The following MCM8 variants were observed in gnomAD, a reference collection of about 807,000 sequenced individuals.
The protein encoded by MCM8 is minichromosome maintenance 8 homologous recombination repair factor.
Under a neutral mutation model 98.9 loss-of-function variants are expected in MCM8, and 85 were observed. That is an observed-to-expected ratio of 0.86 (90% CI 0.72 to 1.03). MCM8 has a LOEUF of 1.03. Among genes scored for constraint, MCM8 ranks in the 50% least tolerant of loss-of-function variants. MCM8 has a pLI of 0.00. For synonymous variants in MCM8, 352 were observed against 338.6 expected (o/e 1.04, Z -0.44); for missense variants, 951 against 997.8 (o/e 0.95, Z 0.63).
chr20:5,972,023 A>G lies in MCM8; in HGVS notation c.1240A>G (p.Ile414Val), dbSNP rs931067163. ...GTTTTTCAGCTCGCTTTGCCCTGTC[A>G]TTTTTGGTCATGAAGTAAGTATTTT... ...KLIVNSLCPV[I>V]FGHELVKAGL... Residue 414 changes from isoleucine (I) to valine (V), a missense_variant, in exon 11 of 19, where the codon ATT (isoleucine) becomes GTT (valine). By Grantham distance (29) the Ile-to-Val change is conservative. Transcript: ENST00000610722. 3 of 1,611,680 alleles carry G rather than the reference A, an allele frequency of 1.9e-6. No individual in the cohort carries two copies. The highest frequency in any genetic ancestry group is 2.5e-6 in the Non-Finnish European group (3 of 1,178,814).
chr20:5,982,768 C>T (rs537073506), intron 13 of MCM8, among the ~76,000 whole-genome samples: 24 of 152,270 alleles, frequency 1.6e-4, no homozygotes, highest in African/African-American at 5.8e-4. Context: ...AAAGGAAGAA[C>T]TATTACACAA....
intron 12 of MCM8, among the ~76,000 whole-genome samples, chr20:5,975,647 C>T (rs2089494950): frequency 6.6e-6 from 1 of 151,972 alleles, no homozygotes; most frequent in African/African-American, 2.4e-5. Flanking sequence ...CAGGCGCCCA[C>T]CACCACGCCC....
chr20:5,967,963 T>TA lies in MCM8; in HGVS notation c.1164dup (p.Asp389ArgfsTer11). 1 of 1,614,108 alleles carries TA rather than the reference T, an allele frequency of 6.2e-7. No individual in the cohort carries two copies. The highest frequency in any genetic ancestry group is 8.5e-7 in the Non-Finnish European group (1 of 1,180,006). On this transcript the variant is annotated frameshift_variant, in exon 10 of 19. Coordinates refer to ENST00000610722, the MANE Select transcript of MCM8 (RefSeq NM_032485.6). LOFTEE classifies it high-confidence loss of function. ...ATGGAATGTTGATGGAGTTCTCACT[T>TA]AAAGACCTTTATGCCATCCAAGAGA...
rs758494858 is a variant in MCM8, at chr20:5,955,162, G to C, written c.397G>C (p.Glu133Gln). The change falls in exon 5 of 19, where the codon GAA (glutamate) becomes CAA (glutamine). Residue 133 changes from glutamate (E) to glutamine (Q), a missense_variant. Transcript: ENST00000610722. ...TTTTAAAGAACTGACAGAAGGTGGTGAAGTAACTAACTTGATACCAGATAT... is the reference window on the plus strand; with the variant it reads ...TTTTAAAGAACTGACAGAAGGTGGTCAAGTAACTAACTTGATACCAGATAT... ...VDFKELTEGG[E>Q]VTNLIPDIAT... The C allele has an allele frequency of 6.2e-6, 10 of 1,612,820 alleles. No homozygotes were observed. Among genetic ancestry groups the C allele is most frequent in the Non-Finnish European group, 8.5e-6 (10 of 1,178,908 alleles).
At chr20:5,952,391 G>C (rs1300745760) in intron 2 of MCM8, 33 bp from the exon 3 acceptor site, 1 of 1,603,928 alleles carries the variant, frequency 6.2e-7, no homozygotes. Flanking sequence ...TGTTCACTCT[G>C]TTTCTACTAA....
At position 5,955,959 on chromosome 20, in the gene MCM8, G is replaced by GTTGGCCA. The variant is rs750137690; in HGVS notation, c.486+708_486+709insTTGGCCA. On this transcript the variant is annotated intron_variant, in intron 5 of 18. Transcript: ENST00000610722. Reference sequence around the variant, plus strand: ...AAGTTTTGGAGTTTTAGTAGAGACGGGGTTTCACGATGTTGGCCAGGATGG... The same window carrying GTTGGCCA: ...AAGTTTTGGAGTTTTAGTAGAGACGGTTGGCCAGGTTTCACGATGTTGGCCAGGATGG... Among the ~76,000 whole-genome samples the GTTGGCCA allele has an allele frequency of 1.3e-3, 198 of 152,102 alleles. 1 individual carries two copies. Among genetic ancestry groups the GTTGGCCA allele is most frequent in the Non-Finnish European group, 2.5e-3 (167 of 67,978 alleles).
intron 10 of MCM8, 117 bp downstream of exon 10, chr20:5,968,142 A>T (rs1273102526): frequency 1.4e-6 from 1 of 707,680 alleles, no homozygotes; most frequent in African/African-American, 1.8e-5. Context: ...TGTACCAAAT[A>T]CAGTACTCCA....
rs1025698738 is a variant in MCM8, at chr20:5,995,296, G to GT, written c.*911dup. ...GAAACAGACTGATTAAGCAGGAGAA[G>GT]TTTTTTGAAAGAATTTTGTTTGGCT... On this transcript the variant is annotated 3_prime_UTR_variant, in exon 19 of 19. Coordinates refer to ENST00000610722, the MANE Select transcript of MCM8 (RefSeq NM_032485.6). 1 of 152,178 alleles carries GT rather than the reference G, an allele frequency of 6.6e-6. No individual in the cohort carries two copies. The highest frequency in any genetic ancestry group is 2.4e-5 in the African/African-American group (1 of 41,432). 9.4% of individuals were successfully genotyped at this position (152,178 alleles called of 1,614,324 possible). A position where few individuals can be genotyped will look rare whatever the true frequency, so the allele number is the denominator to read the frequency against.
At chr20:5,963,898 T>G (rs2089214418) in intron 8 of MCM8, among the ~76,000 whole-genome samples, 1 of 152,208 alleles carries the variant, frequency 6.6e-6, no homozygotes, top group African/African-American at 2.4e-5. Flanking sequence ...TATGCAAATA[T>G]TGTGTCCTAA....
Position 5,955,267 on chromosome 20 carries a change from A to T in MCM8, c.486+16A>T, listed in dbSNP as rs551974363. ...AATACATCAGGTAACTATTTGTCTTATGCATACTTTTGTCTAAACTTTTTT... is the reference window on the plus strand; with the variant it reads ...AATACATCAGGTAACTATTTGTCTTTTGCATACTTTTGTCTAAACTTTTTT... On this transcript the variant is annotated intron_variant, in intron 5 of 18. Transcript: ENST00000610722. 7 of 1,604,772 alleles carry T rather than the reference A, an allele frequency of 4.4e-6. No homozygotes were observed. The South Asian group carries it at 7.9e-5, about 18-fold the overall frequency.
At chr20:5,969,050 AATTTCCCCTTT>A (rs1056431052) in intron 10 of MCM8, among the ~76,000 whole-genome samples, 1 of 152,188 alleles carries the variant, frequency 6.6e-6, no homozygotes, top group African/African-American at 2.4e-5. Context: ...CATATTACTT[AATTTCCCCTTT>A]ATTTGTATCA....
intron 15 of MCM8, 56 bp downstream of exon 15, chr20:5,985,056 G>A: frequency 7.0e-7 from 1 of 1,435,388 alleles, no homozygotes; most frequent in Non-Finnish European, 9.7e-7. Context: ...TCAAAGTTCA[G>A]TGTGTGGCTT....
rs2089947600 is a variant in MCM8 at position 5,995,696 on chromosome 20, A to C, written c.*1305A>C. ...TTCAGGTGGTGGGATCAATAAGACCAGAATTTCTCATATGTTGTGAGAGGA... is the reference window on the plus strand; with the variant it reads ...TTCAGGTGGTGGGATCAATAAGACCCGAATTTCTCATATGTTGTGAGAGGA... On this transcript the variant is annotated 3_prime_UTR_variant, in exon 19 of 19. Transcript: ENST00000610722. 6.6e-6 allele frequency: 1 copy of C among 152,242 alleles called. No homozygotes were observed. Among genetic ancestry groups the C allele is most frequent in the African/African-American group, 2.4e-5 (1 of 41,458 alleles). 9.4% of individuals were successfully genotyped at this position (152,242 alleles called of 1,614,324 possible). A position where few individuals can be genotyped will look rare whatever the true frequency, so the allele number is the denominator to read the frequency against.
intron 13 of MCM8, among the ~76,000 whole-genome samples, chr20:5,981,631 T>C (rs1468166782): frequency 6.6e-6 from 1 of 151,938 alleles, no homozygotes; most frequent in Admixed American, 6.6e-5. Flanking sequence ...TCGGAAGAAA[T>C]AGGTTTGGAC....
chr20:5,981,690 C>T (rs193021524), intron 13 of MCM8, among the ~76,000 whole-genome samples: 1 of 152,296 alleles, frequency 6.6e-6, no homozygotes, highest in Admixed American at 6.5e-5. Context: ...AGCATAGCAG[C>T]TGTGAAGAAA....
intron 7 of MCM8, among the ~76,000 whole-genome samples, chr20:5,959,065 A>G (rs866703967): frequency 2.0e-5 from 3 of 152,030 alleles, no homozygotes; most frequent in Middle Eastern, 3.2e-3. Context: ...TTCCATTCAT[A>G]TTTCTGTTGA....
chr20:5,954,649 T>C lies in MCM8; in HGVS notation c.295T>C (p.Phe99Leu). The C allele has an allele frequency of 2.5e-6, 4 of 1,611,278 alleles. No individual in the cohort carries two copies. In the South Asian group the frequency reaches 4.4e-5, roughly 18 times the overall value. The change falls in exon 4 of 19, where the codon TTT (phenylalanine) becomes CTT (leucine). Residue 99 changes from phenylalanine (F) to leucine (L), a missense_variant. By Grantham distance (22) the Phe-to-Leu change is conservative (BLOSUM62 0). Coordinates refer to ENST00000610722, the MANE Select transcript of MCM8 (RefSeq NM_032485.6). ...SSPLIEKIQA[F>L]EKFFTRHIDL... ...TCCTTTGATTGAGAAGATTCAAGCA[T>C]TTGAAAAATTTTTCACAAGGCATAT...
chr20:5,973,931 C>T (rs557392941), intron 12 of MCM8, among the ~76,000 whole-genome samples: 108 of 151,680 alleles, frequency 7.1e-4, no homozygotes, highest in African/African-American at 2.4e-3. Flanking sequence ...CTGGGATTAC[C>T]GGTGTGAGCC....
Position 5,993,674 on chromosome 20 carries a change from T to A in MCM8, c.2409T>A (p.Ile803=). 1 of 1,604,624 alleles carries A rather than the reference T, an allele frequency of 6.2e-7. No homozygotes were observed. ...NIFQFHQLRQ[I]AKELNIQVAD... is the part of the protein sequence containing the mutation. Reference sequence around the variant, plus strand: ...TTCAATTTCATCAACTTCGGCAGATTGCCAAAGAACTAAACATTCAGGTAT... The same window carrying A: ...TTCAATTTCATCAACTTCGGCAGATAGCCAAAGAACTAAACATTCAGGTAT... Residue 803 remains isoleucine (I), a synonymous_variant, in exon 18 of 19, where the codon ATT becomes ATA. Coordinates refer to ENST00000610722, the MANE Select transcript of MCM8 (RefSeq NM_032485.6).
Sources: allele counts gnomAD v4.1 joint callset (sites outside exome capture counted in the v4.1 genomes callset), GRCh38; gene constraint gnomAD v4.1.1; transcripts MANE v1.5; gene names NCBI Gene and HGNC (gene_info 2026-07-23, HGNC 2026-07-21).